Variants in STXBP6 observed in about 807,000 individuals in gnomAD.
STXBP6 encodes the protein syntaxin binding protein 6.
STXBP6 carries 21 observed loss-of-function variants against 26.9 expected under a neutral mutation model. That is an observed-to-expected ratio of 0.78 (90% CI 0.55 to 1.12). The LOEUF (loss-of-function observed/expected upper bound fraction) is 1.12. Ranked by LOEUF, STXBP6 falls within the 50% of genes most tolerant of loss-of-function variation. The probability of loss-of-function intolerance (pLI) is 0.00; values close to 1 mark genes in which losing one functional copy is unlikely to be tolerated. For missense variants in STXBP6, 232 were observed against 257.9 expected (o/e 0.90, Z 0.69); for synonymous variants, 97 against 92.6 (o/e 1.05, Z -0.27).
chr14:25,016,566 C>G (rs1169930456), intron 1 of STXBP6, among the ~76,000 whole-genome samples: 1 of 152,044 alleles, frequency 6.6e-6, no homozygotes, highest in Non-Finnish European at 1.5e-5. Context: ...AAAATCCACG[C>G]CAAAAAGATC....
intron 4 of STXBP6, among the ~76,000 whole-genome samples, chr14:24,833,712 TG>T (rs2068526214): frequency 6.6e-6 from 1 of 152,222 alleles, no homozygotes; most frequent in Non-Finnish European, 1.5e-5. Context: ...TTTTTTAATT[TG>T]GGAGGATTTA....
chr14:24,828,703 C>G (rs1026293527), intron 4 of STXBP6, among the ~76,000 whole-genome samples: 2 of 152,154 alleles, frequency 1.3e-5, no homozygotes, highest in African/African-American at 4.8e-5. Context: ...TGAATGTGTT[C>G]TCCTCTTTAG....
intron 2 of STXBP6, among the ~76,000 whole-genome samples, chr14:24,861,685 A>G (rs1234289334): frequency 1.3e-5 from 2 of 152,248 alleles, no homozygotes; most frequent in Non-Finnish European, 2.9e-5. Context: ...CTTTCAGAAC[A>G]GGGAAACATC....
chr14:24,993,540 C>G (rs1211257082), intron 1 of STXBP6, among the ~76,000 whole-genome samples: 5 of 152,204 alleles, frequency 3.3e-5, no homozygotes, highest in Admixed American at 3.3e-4. Flanking sequence ...CTCCTTCCAA[C>G]CCACTTCCCA....
At chr14:25,017,924 T>G (rs1405554503) in intron 1 of STXBP6, among the ~76,000 whole-genome samples, 5 of 152,116 alleles carry the variant, frequency 3.3e-5, no homozygotes, top group Non-Finnish European at 7.4e-5. Flanking sequence ...TCAGTAGTTG[T>G]TCTGTTTGCT....
intron 2 of STXBP6, among the ~76,000 whole-genome samples, chr14:24,865,202 A>G (rs2069675781): frequency 6.6e-6 from 1 of 152,174 alleles, no homozygotes; most frequent in Non-Finnish European, 1.5e-5. Flanking sequence ...GCCTGAAGTA[A>G]CCAAAAATGG....
intron 2 of STXBP6, among the ~76,000 whole-genome samples, chr14:24,879,085 G>A (rs1204747768): frequency 6.6e-6 from 1 of 151,988 alleles, no homozygotes; most frequent in East Asian, 1.9e-4. Context: ...ATGGTCAGGT[G>A]AATTTAAACT....
chr14:24,830,690 C>T (rs561335839), intron 4 of STXBP6, among the ~76,000 whole-genome samples: 4 of 152,016 alleles, frequency 2.6e-5, no homozygotes, highest in East Asian at 1.9e-4. Flanking sequence ...AGAAGCTCTG[C>T]GGAGAAGTCT....
intron 1 of STXBP6, among the ~76,000 whole-genome samples, chr14:24,990,510 T>C (rs968624369): frequency 6.6e-6 from 1 of 151,634 alleles, no homozygotes; most frequent in African/African-American, 2.4e-5. Context: ...AATACAAAAT[T>C]AGCCGGGCGT....
chr14:24,889,225 T>TA (rs1219919123), intron 2 of STXBP6, among the ~76,000 whole-genome samples: 1 of 150,654 alleles, frequency 6.6e-6, no homozygotes, highest in African/African-American at 2.4e-5. Flanking sequence ...GCATGAAAGT[T>TA]AGAGTCCTAA....
chr14:24,970,017 G>A (rs1030224009), intron 2 of STXBP6, among the ~76,000 whole-genome samples: 2 of 152,144 alleles, frequency 1.3e-5, no homozygotes, highest in African/African-American at 4.8e-5. Flanking sequence ...TGAGGTGGAC[G>A]GATGGCCTGA....
At chr14:24,949,354 C>T (rs1174420491) in intron 2 of STXBP6, among the ~76,000 whole-genome samples, 2 of 152,054 alleles carry the variant, frequency 1.3e-5, no homozygotes, top group Non-Finnish European at 2.9e-5. Context: ...AATGCAGAAA[C>T]TAAAGAGGAT....
chr14:24,826,536 ACAATTCTTTTGAACTTCCAGTGGAC>A (rs2068289707), intron 4 of STXBP6, among the ~76,000 whole-genome samples: 2 of 152,152 alleles, frequency 1.3e-5, no homozygotes, highest in African/African-American at 4.8e-5. Context: ...TTCGTATGCC[ACAATTCTTTTGAACTTCCAGTGGAC>A]CACCTCACCC....
chr14:24,884,559 C>T (rs1442686790), intron 2 of STXBP6, among the ~76,000 whole-genome samples: 1 of 152,174 alleles, frequency 6.6e-6, no homozygotes, highest in Non-Finnish European at 1.5e-5. Flanking sequence ...CCTACGTGAA[C>T]CAACCGTCAG....
intron 2 of STXBP6, among the ~76,000 whole-genome samples, chr14:24,919,343 CAA>C (rs1251195168): frequency 6.6e-6 from 1 of 151,824 alleles, no homozygotes; most frequent in Non-Finnish European, 1.5e-5. Context: ...TATCCTGTAA[CAA>C]ACACACTGAC....
intron 2 of STXBP6, among the ~76,000 whole-genome samples, chr14:24,912,480 T>C (rs2071610811): frequency 6.6e-6 from 1 of 151,450 alleles, no homozygotes; most frequent in East Asian, 1.9e-4. Flanking sequence ...GCAACCAGTG[T>C]TTGCCAAATA....
intron 1 of STXBP6, among the ~76,000 whole-genome samples, chr14:24,998,295 G>A (rs1595283822): frequency 6.6e-6 from 1 of 151,918 alleles, no homozygotes; most frequent in East Asian, 1.9e-4. Flanking sequence ...AGTGGGAAGG[G>A]GTTATTTTAA....
At chr14:25,040,403 A>T (rs1407512291) in intron 1 of STXBP6, among the ~76,000 whole-genome samples, 1 of 152,186 alleles carries the variant, frequency 6.6e-6, no homozygotes, top group Non-Finnish European at 1.5e-5. Flanking sequence ...GCTGCTACAT[A>T]GTACTGCAGG....
At chr14:24,823,950 G>A (rs1176428799) in intron 4 of STXBP6, among the ~76,000 whole-genome samples, 1 of 152,130 alleles carries the variant, frequency 6.6e-6, no homozygotes, top group Admixed American at 6.5e-5. Context: ...TTTATTCTCT[G>A]CGTAGATGAA....
Sources: allele counts gnomAD v4.1 joint callset (sites outside exome capture counted in the v4.1 genomes callset), GRCh38; gene constraint gnomAD v4.1.1; transcripts MANE v1.5; gene names NCBI Gene and HGNC (gene_info 2026-07-23, HGNC 2026-07-21).